DNAH14: variants seen among roughly 807,000 people sequenced by gnomAD.
The protein encoded by DNAH14 is dynein axonemal heavy chain 14, also known as axonemal beta dynein heavy chain 14.
Under a neutral mutation model 520.9 loss-of-function variants are expected in DNAH14, and 478 were observed. The ratio of observed to expected loss-of-function variants is 0.92; its 90% CI spans 0.85 to 0.99. The LOEUF is 0.99. Among genes scored for constraint, DNAH14 ranks in the 50% least tolerant of loss-of-function variants. DNAH14 has a pLI of 0.00. For synonymous variants in DNAH14, 1,581 were observed against 1,757.2 expected, an observed-to-expected ratio of 0.90 and a Z score of 2.51; for missense variants, 4,831 against 5,234.5, an observed-to-expected ratio of 0.92 and a Z score of 2.38.
At chr1:224,934,477 C>A (rs988295480) in intron 1 of DNAH14, among the ~76,000 whole-genome samples, 19 of 151,522 alleles carry the variant, frequency 1.3e-4, no homozygotes, top group African/African-American at 4.1e-4. Flanking sequence ...TGAAATAATT[C>A]AGTCAGAAAA....
At chr1:225,155,218 G>A (rs2080909492) in intron 34 of DNAH14, among the ~76,000 whole-genome samples, 1 of 151,762 alleles carries the variant, frequency 6.6e-6, no homozygotes, top group Non-Finnish European at 1.5e-5. Flanking sequence ...GGTATGATTG[G>A]GGCTATATTC....
At chr1:225,046,680 C>T (rs2067992549) in intron 15 of DNAH14, among the ~76,000 whole-genome samples, 1 of 152,098 alleles carries the variant, frequency 6.6e-6, no homozygotes, top group Admixed American at 6.6e-5. Flanking sequence ...CAGTATTATA[C>T]TGTGTTAGTT....
chr1:225,087,950 A>G (rs894723431), intron 21 of DNAH14, among the ~76,000 whole-genome samples: 8 of 152,190 alleles, frequency 5.3e-5, no homozygotes, highest in African/African-American at 1.9e-4. Context: ...CCTAATTCAT[A>G]AGCACTCAGA....
At chr1:225,293,572 A>G (rs2093939849) in intron 55 of DNAH14, among the ~76,000 whole-genome samples, 1 of 152,148 alleles carries the variant, frequency 6.6e-6, no homozygotes, top group Admixed American at 6.5e-5. Context: ...GGAACAGAAA[A>G]CCATATACTA....
chr1:225,127,042 T>C (rs2148918525), intron 27 of DNAH14, among the ~76,000 whole-genome samples: 1 of 151,334 alleles, frequency 6.6e-6, no homozygotes, highest in East Asian at 1.9e-4. Context: ...TAATCCTGAG[T>C]TCTAGTTTGA....
At chr1:225,373,810 A>C (rs535683263) in intron 77 of DNAH14, among the ~76,000 whole-genome samples, 57 of 152,076 alleles carry the variant, frequency 3.7e-4, no homozygotes, top group African/African-American at 1.3e-3. Flanking sequence ...CAACAACAAC[A>C]AAAAAGAACT....
intron 23 of DNAH14, among the ~76,000 whole-genome samples, chr1:225,112,272 C>T (rs1391766183): frequency 6.6e-6 from 1 of 152,088 alleles, no homozygotes. Context: ...TTTCCTTCTG[C>T]ACTTCAAGTA....
chr1:224,935,284 A>G (rs1477949859), intron 1 of DNAH14, among the ~76,000 whole-genome samples: 1 of 151,938 alleles, frequency 6.6e-6, no homozygotes, highest in East Asian at 1.9e-4. Flanking sequence ...CACTTAAAAG[A>G]TATAGAATAG....
intron 81 of DNAH14, among the ~76,000 whole-genome samples, chr1:225,386,299 C>T (rs1575142683): frequency 6.6e-6 from 1 of 152,284 alleles, no homozygotes; most frequent in South Asian, 2.1e-4. Flanking sequence ...CTAGGCAATA[C>T]TATTCAGGAC....
At chr1:225,333,598 C>A in intron 66 of DNAH14, 92 bp downstream of exon 66, 1 of 1,120,078 alleles carries the variant, frequency 8.9e-7, no homozygotes, top group South Asian at 1.6e-5. Flanking sequence ...GATGTTGTCC[C>A]AAAATTATTT....
chr1:225,398,987 G>C, intron 85 of DNAH14, 67 bp from the exon 86 acceptor site: 2 of 1,200,138 alleles, frequency 1.7e-6, no homozygotes, highest in Non-Finnish European at 2.3e-6. Context: ...CTAGCATACA[G>C]AAAATGTGAG....
Position 225,197,039 on chromosome 1 carries a change from C to G in DNAH14, c.5886+4128C>G, listed in dbSNP as rs976116684. Among the ~76,000 whole-genome samples, 4 of 151,730 alleles carry G rather than the reference C, an allele frequency of 2.6e-5. 1 individual carries two copies. The highest frequency in any genetic ancestry group is 5.9e-5 in the Non-Finnish European group (4 of 67,944). On this transcript the variant is annotated intron_variant, in intron 38 of 85. Transcript: ENST00000682510. ...ACTGTACCTTTTGCTGTGCAAAACT[C>G]TTTAATTAAGTCCCAGCTATTTATC...
chr1:225,048,274 G>A (rs2068145239), intron 15 of DNAH14, among the ~76,000 whole-genome samples: 1 of 152,188 alleles, frequency 6.6e-6, no homozygotes, highest in Non-Finnish European at 1.5e-5. Context: ...GCCCAGGTGG[G>A]TGGATCACAT....
At chr1:225,025,542 G>A (rs929235974) in intron 11 of DNAH14, among the ~76,000 whole-genome samples, 5 of 150,740 alleles carry the variant, frequency 3.3e-5, no homozygotes, top group African/African-American at 1.2e-4. Context: ...GACCAGTCTG[G>A]GCAACAAAGC....
rs763591644 is a variant in DNAH14 at position 225,152,047 on chromosome 1, T to C, written c.4983T>C (p.Cys1661=). The change falls in exon 32 of 86, where the codon TGT becomes TGC. Residue 1661 remains cysteine (C), a synonymous_variant. Transcript: ENST00000682510. ...AAGAAATTCGTATCAATATGTCTTG[T>C]GCGGTATTTATCACCATGAATCCCA... The part of the protein sequence containing the change: ...EGKEIRINMS[C]AVFITMNPRY... 6.4e-7 allele frequency: 1 copy of C among 1,551,126 alleles called. No individual in the cohort carries two copies. The highest frequency in any genetic ancestry group is 2.4e-5 in the East Asian group (1 of 40,914).
rs972848978 is a variant in DNAH14 at position 225,050,390 on chromosome 1, C to A, written c.2079+14C>A. ...TACCAAAATATAGTAAGTTTTAAAA[C>A]AGTTCATTTTAGGAAATGTTTAAGG... On this transcript the variant is annotated intron_variant, in intron 16 of 85. Transcript: ENST00000682510. 14 of 1,522,118 alleles carry A rather than the reference C, an allele frequency of 9.2e-6. No individual in the cohort carries two copies. Among genetic ancestry groups the A allele is most frequent in the Non-Finnish European group, 1.2e-5 (14 of 1,138,616 alleles). 94.3% of individuals were successfully genotyped at this position (1,522,118 alleles called of 1,614,324 possible). A position where few individuals can be genotyped will look rare whatever the true frequency, so the allele number is the denominator to read the frequency against.
Position 225,393,829 on chromosome 1 carries a change from T to G in DNAH14, c.13491+1378T>G, listed in dbSNP as rs530810708. ...ATCTTTTTTTGTTTTTTTTTTGTTT[T>G]TTTTTTTGAGACGGAGTCTTGCTCT... is the stretch of plus-strand genomic sequence containing the variant. On this transcript the variant is annotated intron_variant, in intron 84 of 85. Transcript: ENST00000682510. 1.6e-3 allele frequency among the ~76,000 whole-genome samples: 236 copies of G among 151,788 alleles called. 1 individual carries two copies. The highest frequency in any genetic ancestry group is 3.6e-3 in the African/African-American group (149 of 41,372).
intron 4 of DNAH14, among the ~76,000 whole-genome samples, chr1:224,962,819 CT>C (rs1472087120): frequency 1.3e-5 from 2 of 152,042 alleles, no homozygotes; most frequent in East Asian, 3.9e-4. Flanking sequence ...AAAAAGTGTT[CT>C]TTATTTTATT....
intron 35 of DNAH14, among the ~76,000 whole-genome samples, chr1:225,161,050 T>C: frequency 6.6e-6 from 1 of 152,174 alleles, no homozygotes; most frequent in South Asian, 2.1e-4. Flanking sequence ...AGTTCAGATA[T>C]GTAGGAATTT....
Sources: allele counts gnomAD v4.1 joint callset (sites outside exome capture counted in the v4.1 genomes callset), GRCh38; gene constraint gnomAD v4.1.1; transcripts MANE v1.5; gene names NCBI Gene and HGNC (gene_info 2026-07-23, HGNC 2026-07-21).